APCDD1L: variants seen among roughly 807,000 people sequenced by gnomAD.
APCDD1L encodes APC down-regulated 1 like.
In APCDD1L, 21 loss-of-function variants were observed where a neutral mutation model predicts 24.2. The ratio of observed to expected loss-of-function variants is 0.87; its 90% CI spans 0.61 to 1.25. The LOEUF (loss-of-function observed/expected upper bound fraction) is 1.25, where lower values mean the gene tolerates loss of function less well. APCDD1L is among the 50% of genes most tolerant of loss of function. The pLI is 0.00. For missense variants in APCDD1L, 704 were observed against 711.7 expected, an observed-to-expected ratio of 0.99 and a Z score of 0.12; for synonymous variants, 321 against 323.6, an observed-to-expected ratio of 0.99 and a Z score of 0.09.
At chr20:58,514,547 C>T (rs1324136192) in intron 1 of APCDD1L, 112 bp downstream of exon 1, 3 of 1,078,046 alleles carry the variant, frequency 2.8e-6, no homozygotes, top group African/African-American at 1.6e-5. Context: ...ATAGCAGCCG[C>T]GTGGGCCGAC....
chr20:58,486,172 C>A (rs1990114303), intron 1 of APCDD1L, among the ~76,000 whole-genome samples: 1 of 151,948 alleles, frequency 6.6e-6, no homozygotes, highest in African/African-American at 2.4e-5. Context: ...TTATCTATCA[C>A]AGAATATAGA....
At chr20:58,510,769 G>T (rs1453480139) in intron 1 of APCDD1L, among the ~76,000 whole-genome samples, 3 of 152,200 alleles carry the variant, frequency 2.0e-5, no homozygotes, top group Non-Finnish European at 4.4e-5. Flanking sequence ...CAGCAAGAAG[G>T]GTGGAGCCTG....
chr20:58,474,579 C>G (rs1034999944), intron 1 of APCDD1L, among the ~76,000 whole-genome samples: 2 of 152,102 alleles, frequency 1.3e-5, no homozygotes. Context: ...TGGCGCGCAC[C>G]TGTAATCCCA....
chr20:58,478,478 G>C (rs1989958361), intron 1 of APCDD1L, among the ~76,000 whole-genome samples: 1 of 150,782 alleles, frequency 6.6e-6, no homozygotes, highest in Admixed American at 6.6e-5. Context: ...CCACGAGTCT[G>C]CCAGCCTCAT....
chr20:58,475,719 C>G (rs868362115), intron 1 of APCDD1L, among the ~76,000 whole-genome samples: 1 of 152,016 alleles, frequency 6.6e-6, no homozygotes, highest in Non-Finnish European at 1.5e-5. Context: ...CAACAGGAGT[C>G]GATCCTTTCC....
At chr20:58,511,128 AT>A (rs1486578503) in intron 1 of APCDD1L, among the ~76,000 whole-genome samples, 1 of 152,196 alleles carries the variant, frequency 6.6e-6, no homozygotes, top group African/African-American at 2.4e-5. Context: ...CAACACACTG[AT>A]TGGGCCACAT....
intron 3 of APCDD1L, among the ~76,000 whole-genome samples, chr20:58,463,941 A>T (rs1232701730): frequency 1.6e-5 from 2 of 127,052 alleles, no homozygotes; most frequent in African/African-American, 2.8e-5. Context: ...TTTTATTTCT[A>T]TAATGAACCT....
In APCDD1L at chr20:58,461,503, G is replaced by C; in HGVS notation, c.793C>G (p.His265Asp). The C allele has an allele frequency of 6.9e-7, 1 of 1,452,534 alleles. No individual in the cohort carries two copies. The highest frequency in any genetic ancestry group is 9.1e-7 in the Non-Finnish European group (1 of 1,098,836). The allele number at this position is 1,452,534 out of a possible 1,614,324, so 90.0% of individuals were successfully genotyped here. Residue 265 changes from histidine to aspartate, a missense_variant, in exon 4 of 4, where the codon CAC becomes GAC. Transcript: ENST00000371149. This position sits in a 1 kb window ranked among gnomAD's most constrained non-coding sequence, Gnocchi z 6.0. ...GGGGGCGGCAGCACGGGCGGGTGGT[G>C]CACATCGGAGCGGGCAATGAGGCCA... ...ACGLIARSDV[H>D]HPPVLPPPLA... is the part of the protein sequence containing the mutation.
chr20:58,506,889 C>G (rs1990536280), intron 1 of APCDD1L, among the ~76,000 whole-genome samples: 1 of 152,134 alleles, frequency 6.6e-6, no homozygotes, highest in African/African-American at 2.4e-5. Context: ...TTTGCATGAA[C>G]TTGGAGCTGA....
At chr20:58,479,364 T>G (rs1173880425) in intron 1 of APCDD1L, among the ~76,000 whole-genome samples, 5 of 152,232 alleles carry the variant, frequency 3.3e-5, no homozygotes, top group Non-Finnish European at 7.3e-5. Flanking sequence ...TCAGGTGCCC[T>G]GTGACTACAT....
chr20:58,514,798 C>T lies in APCDD1L; in HGVS notation c.-91G>A, dbSNP rs1033396401. The T allele has an allele frequency of 1.8e-5, 20 of 1,111,870 alleles. No individual in the cohort carries two copies. Among genetic ancestry groups the T allele is most frequent in the Non-Finnish European group, 2.3e-5 (20 of 867,350 alleles). 68.9% of individuals were successfully genotyped at this position (1,111,870 alleles called of 1,614,324 possible). A position where few individuals can be genotyped will look rare whatever the true frequency, so the allele number is the denominator to read the frequency against. Reference sequence around the variant, plus strand: ...AGGGCTCTCGGACGGCTGCGGGCGCCGGCGGCCAGGCTGGAGTCCTGCGAA... The same window carrying T: ...AGGGCTCTCGGACGGCTGCGGGCGCTGGCGGCCAGGCTGGAGTCCTGCGAA... On this transcript the variant is annotated 5_prime_UTR_variant, in exon 1 of 4. Transcript: ENST00000371149.
chr20:58,512,418 T>A (rs1297888262), intron 1 of APCDD1L, among the ~76,000 whole-genome samples: 2 of 152,134 alleles, frequency 1.3e-5, no homozygotes, highest in Non-Finnish European at 2.9e-5. Flanking sequence ...TCAGTTATCA[T>A]AACTAGGAGG....
chr20:58,499,870 A>C (rs1185436847), intron 1 of APCDD1L, among the ~76,000 whole-genome samples: 1 of 152,090 alleles, frequency 6.6e-6, no homozygotes, highest in Non-Finnish European at 1.5e-5. Flanking sequence ...TCTCATAAGT[A>C]TGCAAACCTG....
chr20:58,485,418 T>C lies in APCDD1L; in HGVS notation c.50-14671A>G, dbSNP rs2123161496. ...ATATAGAAAGCAAAGTTTTCATTTT[T>C]ACAAGTCTAACATATGAATATTGGA... On this transcript the variant is annotated intron_variant, in intron 1 of 3. Coordinates refer to ENST00000371149, the MANE Select transcript of APCDD1L (RefSeq NM_153360.3). 1.3e-5 allele frequency among the ~76,000 whole-genome samples: 2 copies of C among 152,366 alleles called. 1 individual carries two copies. The highest frequency in any genetic ancestry group is 4.1e-4 in the South Asian group (2 of 4,828).
Position 58,461,521 on chromosome 20 carries a change from T to C in APCDD1L, c.775A>G (p.Ile259Val). ...HVQPCPACGL[I>V]ARSDVHHPPV... The stretch of plus-strand genomic sequence containing the variant: ...GGGTGGTGCACATCGGAGCGGGCAA[T>C]GAGGCCACAGGCTGGGCACGGCTGC... The change falls in exon 4 of 4, where the codon ATT (isoleucine) becomes GTT (valine). Residue 259 changes from isoleucine to valine, a missense_variant. Coordinates refer to ENST00000371149, the MANE Select transcript of APCDD1L (RefSeq NM_153360.3). This position sits in a 1 kb window ranked among gnomAD's most constrained non-coding sequence, Gnocchi z 6.0. 1.4e-6 allele frequency: 2 copies of C among 1,444,900 alleles called. No homozygotes were observed. Among genetic ancestry groups the C allele is most frequent in the South Asian group, 1.5e-5 (1 of 66,410 alleles). The allele number at this position is 1,444,900 out of a possible 1,614,324, so 89.5% of individuals were successfully genotyped here.
rs1003437050 is a variant in APCDD1L at position 58,494,741 on chromosome 20, G to A, written c.49+19918C>T. On this transcript the variant is annotated intron_variant, in intron 1 of 3. Coordinates refer to ENST00000371149, the MANE Select transcript of APCDD1L (RefSeq NM_153360.3). The surrounding 1 kb of genome is among the most constrained non-coding windows in gnomAD (Gnocchi z 4.8). The stretch of plus-strand genomic sequence containing the variant: ...TCCTGTTGAAAGCCCCTTCCATTCT[G>A]AAGTGCTACGAGCCCCGTACTTTGC... 5.3e-5 allele frequency among the ~76,000 whole-genome samples: 8 copies of A among 152,142 alleles called. No individual in the cohort carries two copies. The highest frequency in any genetic ancestry group is 8.8e-5 in the Non-Finnish European group (6 of 68,008).
chr20:58,470,578 G>A, intron 2 of APCDD1L, 31 bp downstream of exon 2: 1 of 1,567,568 alleles, frequency 6.4e-7, no homozygotes, highest in Non-Finnish European at 8.7e-7. Context: ...CCAGTCCAGG[G>A]GTCCATGGTC....
At chr20:58,464,518 C>T (rs1191970461) in intron 3 of APCDD1L, among the ~76,000 whole-genome samples, 1 of 152,236 alleles carries the variant, frequency 6.6e-6, no homozygotes. Flanking sequence ...GCAGAATTCA[C>T]ACTTGTACAG....
Position 58,493,042 on chromosome 20 carries a change from CACAT to C in APCDD1L, c.49+21613_49+21616del, listed in dbSNP as rs1406827733. ...CTCACACACAAGGCAAGCATACACA[CACAT>C]ACACATGCACTCACACACAATGCAA... On this transcript the variant is annotated intron_variant, in intron 1 of 3. Transcript: ENST00000371149. 1.5e-4 allele frequency among the ~76,000 whole-genome samples: 22 copies of C among 151,666 alleles called. No individual in the cohort carries two copies. In the South Asian group the frequency reaches 4.0e-3, roughly 27 times the overall value.
Sources: allele counts gnomAD v4.1 joint callset (sites outside exome capture counted in the v4.1 genomes callset), GRCh38; gene constraint gnomAD v4.1.1; non-coding constraint Gnocchi (gnomAD v3.1); transcripts MANE v1.5; gene names NCBI Gene and HGNC (gene_info 2026-07-23, HGNC 2026-07-21).